The following ARMH4 variants were observed in gnomAD, a reference collection of about 807,000 sequenced individuals.
ARMH4 encodes the protein armadillo-like helical domain-containing protein 4.
ARMH4 carries 49 observed loss-of-function variants against 61.9 expected under a neutral mutation model. The ratio of observed to expected loss-of-function variants is 0.79; its 90% CI spans 0.63 to 1.00. The LOEUF (loss-of-function observed/expected upper bound fraction) is 1.00. ARMH4 is among the 50% of genes least tolerant of loss of function. ARMH4 has a pLI of 0.00. For missense variants in ARMH4, 934 were observed against 930.0 expected, an observed-to-expected ratio of 1.00 and a Z score of -0.06; for synonymous variants, 368 against 341.5, an observed-to-expected ratio of 1.08 and a Z score of -0.85.
chr14:58,027,607 A>G (rs1203862111), intron 5 of ARMH4, among the ~76,000 whole-genome samples: 1 of 151,810 alleles, frequency 6.6e-6, no homozygotes, highest in Non-Finnish European at 1.5e-5. Context: ...CAAACTAATT[A>G]ACATATCTAT....
chr14:58,073,102 A>T (rs762021448), intron 5 of ARMH4, among the ~76,000 whole-genome samples: 1 of 152,142 alleles, frequency 6.6e-6, no homozygotes. Context: ...CTTTATCTGA[A>T]TACCACCTTT....
chr14:58,123,202 C>T (rs748619572), intron 4 of ARMH4, among the ~76,000 whole-genome samples: 1 of 152,130 alleles, frequency 6.6e-6, no homozygotes, highest in Non-Finnish European at 1.5e-5. Context: ...CTAGCAAAAG[C>T]AGGGGCCATT....
chr14:58,126,775 G>A (rs1041336475), intron 4 of ARMH4, among the ~76,000 whole-genome samples: 3 of 150,456 alleles, frequency 2.0e-5, no homozygotes, highest in South Asian at 2.1e-4. Flanking sequence ...AGTTATTAAA[G>A]AAAGTTAAAC....
chr14:58,151,484 G>C (rs1192443037), intron 1 of ARMH4, among the ~76,000 whole-genome samples: 2 of 152,140 alleles, frequency 1.3e-5, no homozygotes, highest in Admixed American at 1.3e-4. Context: ...CCGCGTCCTG[G>C]GGGACGAGTC....
chr14:58,023,332 T>C (rs1241161543), intron 5 of ARMH4, among the ~76,000 whole-genome samples: 1 of 152,176 alleles, frequency 6.6e-6, no homozygotes, highest in Non-Finnish European at 1.5e-5. Flanking sequence ...TTTGTTGTCA[T>C]TTCAACACTG....
intron 4 of ARMH4, among the ~76,000 whole-genome samples, chr14:58,123,827 C>T (rs1886810626): frequency 6.6e-6 from 1 of 152,202 alleles, no homozygotes; most frequent in Non-Finnish European, 1.5e-5. Flanking sequence ...ACACTCTTGT[C>T]CTTCGGTACA....
At chr14:58,050,401 T>C (rs575216305) in intron 5 of ARMH4, among the ~76,000 whole-genome samples, 57 of 152,314 alleles carry the variant, frequency 3.7e-4, no homozygotes, top group African/African-American at 1.3e-3. Flanking sequence ...CTCAAATTCA[T>C]GCCTTCCTCT....
chr14:58,047,061 G>A (rs1284260659), intron 5 of ARMH4, among the ~76,000 whole-genome samples: 2 of 152,164 alleles, frequency 1.3e-5, no homozygotes, highest in Non-Finnish European at 2.9e-5. Flanking sequence ...TGTACTGGAA[G>A]AGACTCTATT....
At chr14:58,047,161 G>C (rs569218177) in intron 5 of ARMH4, among the ~76,000 whole-genome samples, 1 of 152,158 alleles carries the variant, frequency 6.6e-6, no homozygotes, top group South Asian at 2.1e-4. Context: ...TAATACGACC[G>C]TAAACACAAT....
At chr14:58,009,237 C>T (rs952792971) in intron 6 of ARMH4, among the ~76,000 whole-genome samples, 3 of 152,280 alleles carry the variant, frequency 2.0e-5, no homozygotes, top group African/African-American at 4.8e-5. Flanking sequence ...TTTCAAGATA[C>T]GTTCTATAAA....
At chr14:58,103,014 T>A (rs1313290072) in intron 4 of ARMH4, among the ~76,000 whole-genome samples, 1 of 151,278 alleles carries the variant, frequency 6.6e-6, no homozygotes, top group Non-Finnish European at 1.5e-5. Context: ...ATGCCTGTAA[T>A]CCCAGCTACA....
chr14:58,108,587 T>C (rs957372337), intron 4 of ARMH4, among the ~76,000 whole-genome samples: 2 of 152,244 alleles, frequency 1.3e-5, no homozygotes, highest in African/African-American at 4.8e-5. Flanking sequence ...ATTTTCACGA[T>C]ATATGCTGTT....
chr14:58,036,589 T>C (rs1261407864), intron 5 of ARMH4, among the ~76,000 whole-genome samples: 3 of 121,216 alleles, frequency 2.5e-5, no homozygotes, highest in Non-Finnish European at 5.4e-5. Context: ...GGTATTCAAT[T>C]AGGAAAAGAG....
intron 5 of ARMH4, among the ~76,000 whole-genome samples, chr14:58,021,677 C>T (rs972208964): frequency 1.3e-5 from 2 of 152,120 alleles, no homozygotes; most frequent in African/African-American, 2.4e-5. Flanking sequence ...GATCATAATC[C>T]TGGTTCCCCA....
At chr14:58,140,973 C>T (rs986875794) in intron 1 of ARMH4, among the ~76,000 whole-genome samples, 2 of 152,078 alleles carry the variant, frequency 1.3e-5, no homozygotes, top group African/African-American at 2.4e-5. Flanking sequence ...CAAAAAGGTG[C>T]CTTCTATGAA....
At chr14:58,027,948 A>G (rs916297603) in intron 5 of ARMH4, among the ~76,000 whole-genome samples, 1 of 152,210 alleles carries the variant, frequency 6.6e-6, no homozygotes, top group Admixed American at 6.5e-5. Context: ...CTTGATCCTT[A>G]GGAAAAAACC....
intron 5 of ARMH4, among the ~76,000 whole-genome samples, chr14:58,096,445 C>T (rs535869066): frequency 6.6e-6 from 1 of 152,182 alleles, no homozygotes; most frequent in Non-Finnish European, 1.5e-5. Flanking sequence ...GGCAACTGTA[C>T]TCATAATAGG....
chr14:58,139,115 A>G lies in ARMH4; in HGVS notation c.244T>C (p.Ser82Pro). The change falls in exon 2 of 8, where the codon TCG becomes CCG. Residue 82 changes from serine (S) to proline (P), a missense_variant. By Grantham distance (74) the Ser-to-Pro change is moderately conservative. Coordinates refer to ENST00000267485, the MANE Select transcript of ARMH4 (RefSeq NM_001001872.4). ...AATGCTTTATTTAATGATGTTGCCG[A>G]TGGTACTGCTGACATCATCATTGGA... The part of the protein sequence containing the change: ...EDPMMMSAVP[S>P]ATSLNKAFSI... The G allele has an allele frequency of 6.2e-7, 1 of 1,614,194 alleles. No homozygotes were observed. The highest frequency in any genetic ancestry group is 8.5e-7 in the Non-Finnish European group (1 of 1,180,038).
chr14:58,061,071 A>G (rs1884515575), intron 5 of ARMH4, among the ~76,000 whole-genome samples: 1 of 152,086 alleles, frequency 6.6e-6, no homozygotes, highest in Non-Finnish European at 1.5e-5. Context: ...ATAACATCAC[A>G]TTCCAGATTC....
Sources: gnomAD v4.1 joint callset for allele counts (sites outside exome capture counted in the v4.1 genomes callset) on GRCh38, gnomAD v4.1.1 for gene constraint, MANE v1.5 for transcripts, NCBI Gene and HGNC (gene_info 2026-07-23, HGNC 2026-07-21) for gene names.